NTRK3: variants seen among roughly 807,000 people sequenced by gnomAD.
NTRK3 encodes neurotrophic receptor tyrosine kinase 3.
A neutral mutation model predicts 91.7 loss-of-function variants in NTRK3; 24 were observed. The observed-to-expected ratio is 0.26, with a 90% CI of 0.19 to 0.37. The LOEUF (loss-of-function observed/expected upper bound fraction) is 0.37, where lower values mean the gene tolerates loss of function less well. NTRK3 is among the 10% of genes least tolerant of loss of function. The pLI, the probability that NTRK3 is intolerant of heterozygous loss-of-function variation, is 1.00. For synonymous variants in NTRK3, 483 were observed against 404.0 expected (o/e 1.20, Z -2.34); for missense variants, 880 against 1,068.9 (o/e 0.82, Z 2.46).
intron 14 of NTRK3, chr15:87,981,456 A>C: frequency 6.4e-7 from 1 of 1,566,158 alleles, no homozygotes; most frequent in South Asian, 1.1e-5. Context: ...GCACAATGCC[A>C]GAAACAGAAA....
intron 13 of NTRK3, among the ~76,000 whole-genome samples, chr15:88,123,557 A>G (rs1208723143): frequency 6.6e-6 from 1 of 152,224 alleles, no homozygotes; most frequent in Non-Finnish European, 1.5e-5. Context: ...CGAGCCAAAT[A>G]TGAGTGACCA....
chr15:87,964,798 G>A (rs1314570671), intron 14 of NTRK3, among the ~76,000 whole-genome samples: 1 of 152,182 alleles, frequency 6.6e-6, no homozygotes, highest in Non-Finnish European at 1.5e-5. Flanking sequence ...CATTCATGTT[G>A]TAGCATGTGT....
intron 5 of NTRK3, among the ~76,000 whole-genome samples, chr15:88,179,887 C>T (rs1353514959): frequency 6.6e-6 from 1 of 152,184 alleles, no homozygotes; most frequent in African/African-American, 2.4e-5. Flanking sequence ...CATCAGTGTA[C>T]AATGAAGAAA....
At chr15:88,094,426 G>A (rs193053921) in intron 13 of NTRK3, among the ~76,000 whole-genome samples, 2,433 of 137,806 alleles carry the variant, frequency 0.018, 51 homozygotes, top group African/African-American at 0.059. Flanking sequence ...CCGAGATTGC[G>A]CCACTGCAGT....
At chr15:87,874,787 T>C (rs764578025) in exon 19 of NTRK3, 3 of 231,992 alleles carry the variant, frequency 1.3e-5, no homozygotes, top group East Asian at 6.1e-5. Context: ...AGCCCCGGCA[T>C]AACGGTCCTC....
At chr15:88,175,357 G>T (rs896787003) in intron 5 of NTRK3, among the ~76,000 whole-genome samples, 1 of 151,048 alleles carries the variant, frequency 6.6e-6, no homozygotes, top group African/African-American at 2.5e-5. Context: ...TTCTAAGAAG[G>T]AACACAGGAT....
intron 13 of NTRK3, among the ~76,000 whole-genome samples, chr15:88,053,420 C>G (rs955703695): frequency 2.0e-5 from 3 of 152,172 alleles, no homozygotes; most frequent in South Asian, 4.1e-4. Context: ...ACAGCCGGAC[C>G]ATGCAAAGGG....
At chr15:88,101,809 T>A (rs1004525767) in intron 13 of NTRK3, among the ~76,000 whole-genome samples, 1 of 151,990 alleles carries the variant, frequency 6.6e-6, no homozygotes, top group African/African-American at 2.4e-5. Flanking sequence ...TAGGTGGGAA[T>A]TGAACAATGA....
chr15:87,920,484 G>C (rs188762184), intron 17 of NTRK3, among the ~76,000 whole-genome samples: 24 of 152,270 alleles, frequency 1.6e-4, no homozygotes, highest in African/African-American at 2.9e-4. Context: ...AGCTGAAGAA[G>C]AGAACAAACG....
chr15:88,256,301 A>C, exon 2 of NTRK3: 1 of 679,994 alleles, frequency 1.5e-6, no homozygotes, highest in Admixed American at 2.1e-5. Flanking sequence ...ACGCCGAGCG[A>C]TCAGATGCAA....
chr15:88,085,441 A>G (rs2048411813), intron 13 of NTRK3, among the ~76,000 whole-genome samples: 1 of 152,258 alleles, frequency 6.6e-6, no homozygotes, highest in South Asian at 2.1e-4. Flanking sequence ...CATGCCTACC[A>G]TCTGCCATGA....
At chr15:87,919,120 AG>A (rs2067666980) in intron 17 of NTRK3, among the ~76,000 whole-genome samples, 11 of 150,000 alleles carry the variant, frequency 7.3e-5, no homozygotes, top group Admixed American at 5.3e-4. Flanking sequence ...AGCCTCACAC[AG>A]TGTAGAAGAA....
At chr15:87,952,386 C>CCCT (rs2071213994) in intron 14 of NTRK3, among the ~76,000 whole-genome samples, 1 of 152,176 alleles carries the variant, frequency 6.6e-6, no homozygotes, top group African/African-American at 2.4e-5. Context: ...AGGGCTCTTG[C>CCCT]CCTTGCACAG....
intron 5 of NTRK3, among the ~76,000 whole-genome samples, chr15:88,181,138 G>A (rs939702819): frequency 1.1e-4 from 16 of 152,002 alleles, no homozygotes; most frequent in African/African-American, 3.9e-4. Context: ...CATCCTTCTC[G>A]GTAATCACCC....
chr15:88,039,115 C>T (rs1209962598), intron 13 of NTRK3, among the ~76,000 whole-genome samples: 1 of 127,116 alleles, frequency 7.9e-6, no homozygotes, highest in Non-Finnish European at 1.6e-5. Context: ...CTATTGAGCC[C>T]TCAACACACA....
chr15:87,883,796 G>A (rs115898676), intron 17 of NTRK3, among the ~76,000 whole-genome samples: 122 of 150,792 alleles, frequency 8.1e-4, no homozygotes, highest in African/African-American at 2.8e-3. Flanking sequence ...TTGTCTTTGG[G>A]CAATTAAATT....
rs1465606329 is a variant in NTRK3 at position 88,033,064 on chromosome 15, A to G, written c.1397-19T>C. The G allele has an allele frequency of 1.3e-6, 2 of 1,559,320 alleles. No individual in the cohort carries two copies. The highest frequency in any genetic ancestry group is 1.9e-5 in the Admixed American group (1 of 51,858). On this transcript the variant is annotated intron_variant, in intron 13 of 18. Transcript: ENST00000394480. The stretch of plus-strand genomic sequence containing the variant: ...ACGGGACCTGCACACACCAAGAGAG[A>G]CGCAGGACCTGGTGACGTCACATCC...
At chr15:88,094,475 C>CAAAAAAAA (rs10610101) in intron 13 of NTRK3, among the ~76,000 whole-genome samples, 6 of 30,326 alleles carry the variant, frequency 2.0e-4, no homozygotes, top group Non-Finnish European at 3.6e-4. Flanking sequence ...GACTCCGTCT[C>CAAAAAAAA]AAAAAAAAAA....
chr15:87,897,174 A>G (rs903677283), intron 17 of NTRK3, among the ~76,000 whole-genome samples: 1 of 152,158 alleles, frequency 6.6e-6, no homozygotes, highest in Non-Finnish European at 1.5e-5. Flanking sequence ...AGCCTAGAGG[A>G]TAAATAGGCC....
Sources: allele counts gnomAD v4.1 joint callset (sites outside exome capture counted in the v4.1 genomes callset), GRCh38; gene constraint gnomAD v4.1.1; transcripts MANE v1.5; gene names NCBI Gene and HGNC (gene_info 2026-07-23, HGNC 2026-07-21).